Variants in ADAMTS20 observed in about 807,000 individuals in gnomAD.
ADAMTS20 encodes the protein A disintegrin and metalloproteinase with thrombospondin motifs 20.
Under a neutral mutation model 260.1 loss-of-function variants are expected in ADAMTS20, and 225 were observed. That is an observed-to-expected ratio of 0.87 (90% confidence interval 0.78 to 0.97). The LOEUF (loss-of-function observed/expected upper bound fraction) is 0.97. Among genes scored for constraint, ADAMTS20 ranks in the 50% least tolerant of loss-of-function variants. The pLI is 0.00. For missense variants in ADAMTS20, 2,400 were observed against 2,337.7 expected (o/e 1.03, Z -0.55); for synonymous variants, 802 against 769.5 (o/e 1.04, Z -0.70).
At chr12:43,395,075 T>C (rs1208816975) in intron 29 of ADAMTS20, among the ~76,000 whole-genome samples, 1 of 152,114 alleles carries the variant, frequency 6.6e-6, no homozygotes, top group East Asian at 1.9e-4. Flanking sequence ...AAGGCCATTT[T>C]AAATATCAAG....
At chr12:43,531,439 A>T (rs1029777422) in intron 3 of ADAMTS20, among the ~76,000 whole-genome samples, 5 of 152,116 alleles carry the variant, frequency 3.3e-5, no homozygotes, top group Admixed American at 2.6e-4. Flanking sequence ...TTGGGATTCA[A>T]ATTTAGCTTA....
At chr12:43,433,079 T>C (rs1941481142) in intron 19 of ADAMTS20, among the ~76,000 whole-genome samples, 1 of 152,150 alleles carries the variant, frequency 6.6e-6, no homozygotes, top group African/African-American at 2.4e-5. Flanking sequence ...ACCCAATTAC[T>C]TAGTGGCAGA....
At position 43,399,169 on chromosome 12, in the gene ADAMTS20, C is replaced by T; in HGVS notation, c.4349G>A (p.Arg1450Lys). Residue 1450 changes from arginine (R) to lysine (K), a missense_variant, in exon 29 of 39, where the codon AGG (arginine) becomes AAG (lysine). By Grantham distance (26) the Arg-to-Lys change is conservative. Coordinates refer to ENST00000389420, the MANE Select transcript of ADAMTS20 (RefSeq NM_025003.5). ...ACTGCAATTTGTGTCTTCTAATTTC[C>T]TTTGGAATTGGTCAATGCAAAACAC... ...REVFCIDQFQ[R>K]KLEDTNCSQV... 1 of 1,575,334 alleles carries T rather than the reference C, an allele frequency of 6.3e-7. No individual in the cohort carries two copies. Among genetic ancestry groups the T allele is most frequent in the Non-Finnish European group, 8.6e-7 (1 of 1,158,806 alleles).
At chr12:43,421,282 C>CACACAAAAA (rs368419833) in intron 28 of ADAMTS20, among the ~76,000 whole-genome samples, 1 of 118,892 alleles carries the variant, frequency 8.4e-6, no homozygotes, top group Admixed American at 9.0e-5. Context: ...CTTTCATTTA[C>CACACAAAAA]AAAAAAAAAA....
chr12:43,530,413 G>A (rs768918602), intron 3 of ADAMTS20, among the ~76,000 whole-genome samples: 9 of 152,154 alleles, frequency 5.9e-5, no homozygotes, highest in Non-Finnish European at 1.0e-4. Context: ...CCATAAAAAT[G>A]AAACCCTTAT....
chr12:43,373,714 C>T (rs1467894403), intron 36 of ADAMTS20, among the ~76,000 whole-genome samples: 2 of 111,502 alleles, frequency 1.8e-5, no homozygotes, highest in Non-Finnish European at 1.6e-5. Context: ...GAGTCTCGCT[C>T]TGTCGCCCAG....
At chr12:43,410,722 T>C (rs1396629056) in intron 28 of ADAMTS20, among the ~76,000 whole-genome samples, 2 of 152,212 alleles carry the variant, frequency 1.3e-5, no homozygotes. Flanking sequence ...AAGACTTGGA[T>C]TTCTGGAAAG....
At chr12:43,367,489 C>A (rs1437271822) in intron 37 of ADAMTS20, among the ~76,000 whole-genome samples, 1 of 151,994 alleles carries the variant, frequency 6.6e-6, no homozygotes, top group Non-Finnish European at 1.5e-5. Context: ...TTCATAATAA[C>A]ACTTAAGCTA....
At chr12:43,493,685 TG>T (rs1187708050) in intron 4 of ADAMTS20, among the ~76,000 whole-genome samples, 1 of 152,242 alleles carries the variant, frequency 6.6e-6, no homozygotes, top group Non-Finnish European at 1.5e-5. Context: ...CACTTCATTC[TG>T]TGGCATAATC....
At chr12:43,485,094 C>CAAAAAAAAAAAAAAAAAAA (rs59409245) in intron 7 of ADAMTS20, among the ~76,000 whole-genome samples, 2 of 118,750 alleles carry the variant, frequency 1.7e-5, no homozygotes, top group Non-Finnish European at 3.5e-5. Flanking sequence ...AGGACGTAGC[C>CAAAAAAAAAAAAAAAAAAA]AAAAAAAAAA....
chr12:43,410,445 A>G (rs1054086555), intron 28 of ADAMTS20, among the ~76,000 whole-genome samples: 4 of 152,350 alleles, frequency 2.6e-5, no homozygotes, highest in African/African-American at 7.2e-5. Flanking sequence ...AATCCTCCCT[A>G]GGAAAAATGA....
chr12:43,492,454 A>G (rs1365190549), intron 6 of ADAMTS20, 51 bp downstream of exon 6: 2 of 1,575,150 alleles, frequency 1.3e-6, no homozygotes, highest in Admixed American at 1.7e-5. Flanking sequence ...TCAGTCATGC[A>G]GGAGGGAAGA....
chr12:43,422,102 G>A (rs1223609450), intron 28 of ADAMTS20, among the ~76,000 whole-genome samples: 1 of 151,998 alleles, frequency 6.6e-6, no homozygotes, highest in Non-Finnish European at 1.5e-5. Flanking sequence ...CACCAAAAAT[G>A]TAGCCATTAA....
intron 14 of ADAMTS20, among the ~76,000 whole-genome samples, chr12:43,451,197 T>G (rs1250000826): frequency 6.6e-6 from 1 of 152,198 alleles, no homozygotes; most frequent in Non-Finnish European, 1.5e-5. Flanking sequence ...AAATACTATA[T>G]GATCCCATTC....
chr12:43,535,448 T>C (rs942201656), intron 2 of ADAMTS20, among the ~76,000 whole-genome samples: 1 of 152,136 alleles, frequency 6.6e-6, no homozygotes, highest in Non-Finnish European at 1.5e-5. Context: ...AAAAATTACA[T>C]CCTTATTATC....
intron 11 of ADAMTS20, among the ~76,000 whole-genome samples, chr12:43,455,711 C>CTTT (rs35614063): frequency 7.0e-6 from 1 of 143,434 alleles, no homozygotes; most frequent in Non-Finnish European, 1.5e-5. Context: ...TTGCTTTCAT[C>CTTT]TTTTTTTTTT....
Position 43,551,340 on chromosome 12 carries a change from C to T in ADAMTS20, c.92-70G>A. On this transcript the variant is annotated intron_variant, in intron 1 of 38. Coordinates refer to ENST00000389420, the MANE Select transcript of ADAMTS20 (RefSeq NM_025003.5). This position sits in a 1 kb window ranked among gnomAD's most constrained non-coding sequence, Gnocchi z 4.6. ...ATTGTCCAACTCTAAACTTCTTCCA[C>T]CAAACGTCCCCGCTAAAGGTCCCAG... is the stretch of plus-strand genomic sequence containing the variant. 6.5e-7 allele frequency: 1 copy of T among 1,536,468 alleles called. No individual in the cohort carries two copies. Among genetic ancestry groups the T allele is most frequent in the Non-Finnish European group, 8.8e-7 (1 of 1,142,184 alleles).
rs1348828239 is a variant in ADAMTS20 at position 43,552,147 on chromosome 12, T to C, written c.-226A>G. On this transcript the variant is annotated 5_prime_UTR_variant, in exon 1 of 39. Coordinates refer to ENST00000389420, the MANE Select transcript of ADAMTS20 (RefSeq NM_025003.5). ...CGCACTGCAGCCTCACCCCCCTTCC[T>C]GCGCCCGCGCTGCCCTCAGAAACTC... is the stretch of plus-strand genomic sequence containing the variant. 1.3e-5 allele frequency among the ~76,000 whole-genome samples: 2 copies of C among 152,204 alleles called. No homozygotes were observed. The highest frequency in any genetic ancestry group is 2.9e-5 in the Non-Finnish European group (2 of 68,026).
rs1032799572 is a variant in ADAMTS20 at position 43,476,000 on chromosome 12, T to C, written c.1118-7295A>G. ...AAAGCCAAAATTGACAAATGGGATC[T>C]AAATAAACTAAAGAGCTTCTGCACA... is the stretch of plus-strand genomic sequence containing the variant. On this transcript the variant is annotated intron_variant, in intron 7 of 38. Transcript: ENST00000389420. Among the ~76,000 whole-genome samples, 283 of 139,422 alleles carry C rather than the reference T, an allele frequency of 2.0e-3. 1 individual carries two copies. Among genetic ancestry groups the C allele is most frequent in the South Asian group, 4.9e-3 (19 of 3,916 alleles). The allele number at this position is 139,422 out of a possible 152,430, so 91.5% of individuals were successfully genotyped here.
Sources: allele counts gnomAD v4.1 joint callset (sites outside exome capture counted in the v4.1 genomes callset), GRCh38; gene constraint gnomAD v4.1.1; non-coding constraint Gnocchi (gnomAD v3.1); transcripts MANE v1.5; gene names NCBI Gene and HGNC (gene_info 2026-07-23, HGNC 2026-07-21).